The following PBX1 variants were observed in gnomAD, a reference collection of about 807,000 sequenced individuals.
The protein encoded by PBX1 is PBX homeobox 1.
A neutral mutation model predicts 53.4 loss-of-function variants in PBX1; 6 were observed. That is an observed-to-expected ratio of 0.11 (90% CI 0.06 to 0.22). PBX1 has a LOEUF of 0.22. Among genes scored for constraint, PBX1 ranks in the 10% least tolerant of loss-of-function variants. PBX1 has a pLI of 1.00. For missense variants in PBX1, 251 were observed against 551.4 expected (o/e 0.46, Z 5.46); for synonymous variants, 204 against 212.3 (o/e 0.96, Z 0.34).
chr1:164,630,446 G>A (rs1395759407), intron 2 of PBX1, among the ~76,000 whole-genome samples: 1 of 152,090 alleles, frequency 6.6e-6, no homozygotes, highest in African/African-American at 2.4e-5. Context: ...TCATATTTAA[G>A]CTGCCTGTAG....
chr1:164,833,498 A>G (rs1670871215), intron 8 of PBX1, among the ~76,000 whole-genome samples: 1 of 152,196 alleles, frequency 6.6e-6, no homozygotes, highest in Admixed American at 6.5e-5. Flanking sequence ...CACTCATCTT[A>G]CGTGACCTAG....
At chr1:164,856,315 T>C (rs1017281155), downstream of PBX1, among the ~76,000 whole-genome samples, 1 of 152,128 alleles carries the variant, frequency 6.6e-6, no homozygotes. Context: ...TTCTCTCCTA[T>C]TGTTCCTCAA....
intron 2 of PBX1, among the ~76,000 whole-genome samples, chr1:164,643,238 C>T (rs2185467): frequency 0.3 from 45,595 of 152,032 alleles, 7,566 homozygotes; most frequent in Middle Eastern, 0.42. Context: ...GCGTTGCAGA[C>T]GCTCTCCCTA....
At chr1:164,807,473 T>A (rs1252193394) in intron 4 of PBX1, 69 bp from the exon 5 acceptor site, 1 of 1,547,786 alleles carries the variant, frequency 6.5e-7, no homozygotes, top group African/African-American at 1.4e-5. Context: ...AGAAGTAGAT[T>A]TATTCTCTCC....
intron 8 of PBX1, among the ~76,000 whole-genome samples, chr1:164,834,029 ATG>A (rs35739146): frequency 0.029 from 3,733 of 128,162 alleles, 97 homozygotes; most frequent in African/African-American, 0.065. Flanking sequence ...ATATATGTAT[ATG>A]TGTGTGTGTG....
rs369036008 is a variant in PBX1 at position 164,844,328 on chromosome 1, A to G, written c.1201-2256A>G. On this transcript the variant is annotated intron_variant, in intron 8 of 8. Coordinates refer to ENST00000420696, the MANE Select transcript of PBX1 (RefSeq NM_002585.4). ...GTGTGACGTGCTTCCTCTAAAAAGT[A>G]GGACCCCTACCTCCTGCCCCTACAG... Among the ~76,000 whole-genome samples the G allele has an allele frequency of 5.1e-4, 78 of 152,170 alleles. No homozygotes were observed. In the South Asian group the frequency reaches 0.012, roughly 24 times the overall value.
In PBX1 at chr1:164,722,901, T is replaced by G. The variant is rs181867283; in HGVS notation, c.266-69593T>G. Reference sequence around the variant, plus strand: ...AGCCGTGATCTTGTTGAGTTATACATGTATGATTTTTTAGTACTCCCTGTT... The same window carrying G: ...AGCCGTGATCTTGTTGAGTTATACAGGTATGATTTTTTAGTACTCCCTGTT... On this transcript the variant is annotated intron_variant, in intron 2 of 8. Coordinates refer to ENST00000420696, the MANE Select transcript of PBX1 (RefSeq NM_002585.4). Among the ~76,000 whole-genome samples the G allele has an allele frequency of 2.4e-3, 359 of 152,282 alleles. 1 individual carries two copies. Among genetic ancestry groups the G allele is most frequent in the African/African-American group, 8.3e-3 (347 of 41,560 alleles).
At chr1:164,805,052 A>G (rs1669279005) in intron 4 of PBX1, among the ~76,000 whole-genome samples, 1 of 152,220 alleles carries the variant, frequency 6.6e-6, no homozygotes, top group African/African-American at 2.4e-5. Context: ...ATGTCTACAC[A>G]TCTCACTATC....
rs548445378 is a variant in PBX1 at position 164,624,321 on chromosome 1, A to G, written c.265+61010A>G. 2.0e-5 allele frequency among the ~76,000 whole-genome samples: 3 copies of G among 152,372 alleles called. No homozygotes were observed. In the South Asian group the frequency reaches 6.2e-4, roughly 32 times the overall value. ...TTATTGTGTTATAAACCAACAATCA[A>G]GACCATGTAAGCTCAGAAATAATCT... is the stretch of plus-strand genomic sequence containing the variant. On this transcript the variant is annotated intron_variant, in intron 2 of 8. Coordinates refer to ENST00000420696, the MANE Select transcript of PBX1 (RefSeq NM_002585.4).
At chr1:164,608,885 A>G (rs1571057166) in intron 2 of PBX1, among the ~76,000 whole-genome samples, 1 of 152,118 alleles carries the variant, frequency 6.6e-6, no homozygotes, top group Admixed American at 6.5e-5. Context: ...ATGGGCTCCC[A>G]ATTCATGATT....
At chr1:164,861,435 G>A (rs1410008204) in intron 2 of PBX1, among the ~76,000 whole-genome samples, 1 of 152,164 alleles carries the variant, frequency 6.6e-6, no homozygotes, top group African/African-American at 2.4e-5. Flanking sequence ...TGTTTGGCTT[G>A]AACATATAGT....
At chr1:164,710,862 G>A (rs1686173) in intron 2 of PBX1, among the ~76,000 whole-genome samples, 146,306 of 152,260 alleles carry the variant, frequency 0.96, 70,559 homozygotes, top group Middle Eastern at 1. Flanking sequence ...TGATGAGAAG[G>A]ATGAACAGGG....
intron 2 of PBX1, among the ~76,000 whole-genome samples, chr1:164,726,924 TA>T (rs1664728361): frequency 6.6e-6 from 1 of 152,216 alleles, no homozygotes; most frequent in Non-Finnish European, 1.5e-5. Context: ...GTGCTGTTTT[TA>T]CCCCCAAGAG....
At chr1:164,672,054 C>G (rs78233914) in intron 2 of PBX1, among the ~76,000 whole-genome samples, 1 of 139,360 alleles carries the variant, frequency 7.2e-6, no homozygotes, top group East Asian at 2.1e-4. Context: ...TTTTTTTCCC[C>G]TTTTATTCCC....
At chr1:164,657,732 G>A (rs1571163812) in intron 2 of PBX1, among the ~76,000 whole-genome samples, 1 of 152,260 alleles carries the variant, frequency 6.6e-6, no homozygotes, top group East Asian at 1.9e-4. Flanking sequence ...CTTTTCCTTT[G>A]ATAGGGTACC....
chr1:164,786,933 C>T (rs1668227634), intron 2 of PBX1, among the ~76,000 whole-genome samples: 4 of 152,122 alleles, frequency 2.6e-5, no homozygotes, highest in Admixed American at 6.5e-5. Flanking sequence ...AAGTTTGGAA[C>T]ATTACTTCAT....
intron 2 of PBX1, among the ~76,000 whole-genome samples, chr1:164,607,858 G>T (rs973421883): frequency 6.6e-6 from 1 of 152,156 alleles, no homozygotes; most frequent in East Asian, 1.9e-4. Context: ...AGGTTCATCC[G>T]CATCATTAGA....
intron 2 of PBX1, among the ~76,000 whole-genome samples, chr1:164,727,923 G>A (rs1349319365): frequency 1.3e-5 from 2 of 152,184 alleles, no homozygotes; most frequent in Admixed American, 6.5e-5. Context: ...GTCTACATTT[G>A]TGTGCTCCCT....
intron 2 of PBX1, among the ~76,000 whole-genome samples, chr1:164,764,736 C>T (rs1029424479): frequency 2.0e-5 from 3 of 152,206 alleles, no homozygotes; most frequent in African/African-American, 7.2e-5. Context: ...GTGGCAACTT[C>T]GGCCCACAAA....
Sources: allele counts gnomAD v4.1 joint callset (sites outside exome capture counted in the v4.1 genomes callset), GRCh38; gene constraint gnomAD v4.1.1; transcripts MANE v1.5; gene names NCBI Gene and HGNC (gene_info 2026-07-23, HGNC 2026-07-21).